DRD2: variants seen among roughly 807,000 people sequenced by gnomAD.
The protein encoded by DRD2 is dopamine receptor D2.
DRD2 carries 8 observed loss-of-function variants against 38.0 expected under a neutral mutation model. That is an observed-to-expected ratio of 0.21 (90% CI 0.12 to 0.38). The LOEUF is 0.38. DRD2 is among the 10% of genes least tolerant of loss of function. The probability of loss-of-function intolerance (pLI) is 1.00; values close to 1 mark genes in which losing one functional copy is unlikely to be tolerated. For synonymous variants in DRD2, 230 were observed against 238.6 expected (o/e 0.96, Z 0.33); for missense variants, 403 against 607.7 (o/e 0.66, Z 3.54).
chr11:113,457,307 A>T (rs1951276671), intron 1 of DRD2, among the ~76,000 whole-genome samples: 1 of 152,086 alleles, frequency 6.6e-6, no homozygotes, highest in Non-Finnish European at 1.5e-5. Flanking sequence ...GTAAATATCC[A>T]CTCATCCAAT....
At chr11:113,420,419 G>A (rs1484465874) in intron 2 of DRD2, among the ~76,000 whole-genome samples, 1 of 152,230 alleles carries the variant, frequency 6.6e-6, no homozygotes, top group Non-Finnish European at 1.5e-5. Context: ...CTGCCTTGGA[G>A]AGTAGTTAGG....
chr11:113,417,497 T>C lies in DRD2; in HGVS notation c.396-498A>G, dbSNP rs76385222. ...TCTCATTCATTAACTTATTTCATCTTCCAAGAATGGTGTGAGGGAGGTAGG... is the reference window on the plus strand; with the variant it reads ...TCTCATTCATTAACTTATTTCATCTCCCAAGAATGGTGTGAGGGAGGTAGG... On this transcript the variant is annotated intron_variant, in intron 3 of 7. Coordinates refer to ENST00000362072, the MANE Select transcript of DRD2 (RefSeq NM_000795.4). Among the ~76,000 whole-genome samples the C allele has an allele frequency of 6.5e-3, 983 of 152,278 alleles. 11 individuals are homozygous for C. The highest frequency in any genetic ancestry group is 0.021 in the African/African-American group (890 of 41,548).
chr11:113,459,337 T>C (rs559142158), intron 1 of DRD2, among the ~76,000 whole-genome samples: 1 of 152,316 alleles, frequency 6.6e-6, no homozygotes, highest in East Asian at 1.9e-4. Context: ...TCACCCCCAA[T>C]GCAGCTCTGG....
intron 1 of DRD2, among the ~76,000 whole-genome samples, chr11:113,435,764 G>T (rs1353522537): frequency 1.3e-5 from 2 of 151,978 alleles, no homozygotes; most frequent in Admixed American, 1.3e-4. Flanking sequence ...CCAAACTCCT[G>T]CCAGCCAGAG....
intron 1 of DRD2, among the ~76,000 whole-genome samples, chr11:113,439,077 G>A (rs1443759591): frequency 2.0e-5 from 3 of 152,220 alleles, no homozygotes; most frequent in African/African-American, 4.8e-5. Context: ...AAATGTGAAT[G>A]TAGTGTATTA....
At chr11:113,432,924 C>T (rs1020208443) in intron 1 of DRD2, among the ~76,000 whole-genome samples, 32 of 152,238 alleles carry the variant, frequency 2.1e-4, no homozygotes, top group African/African-American at 7.7e-4. Context: ...CTTTTATGTT[C>T]TCTGGCCGAG....
chr11:113,468,599 G>A (rs1025569739), intron 1 of DRD2, among the ~76,000 whole-genome samples: 1 of 152,144 alleles, frequency 6.6e-6, no homozygotes, highest in Non-Finnish European at 1.5e-5. Context: ...CCAGGTTGGA[G>A]TGCAGTGGCA....
At chr11:113,413,404 C>T in intron 6 of DRD2, 1 of 516,628 alleles carries the variant, frequency 1.9e-6, no homozygotes, top group South Asian at 1.4e-5. Context: ...AAAGGCTGAC[C>T]CCTGGGGCCC....
intron 1 of DRD2, among the ~76,000 whole-genome samples, chr11:113,473,945 A>C (rs1389257126): frequency 1.3e-5 from 2 of 152,192 alleles, no homozygotes; most frequent in Non-Finnish European, 2.9e-5. Context: ...AGGAGCAAGG[A>C]TTGGCCTAAA....
intron 1 of DRD2, among the ~76,000 whole-genome samples, chr11:113,455,389 G>A (rs1361739875): frequency 1.3e-5 from 2 of 151,902 alleles, no homozygotes; most frequent in Admixed American, 6.6e-5. Context: ...TAAAAAAGAT[G>A]TCGATTTGGC....
intron 6 of DRD2, chr11:113,413,231 T>C (rs1316332763): frequency 1.6e-6 from 1 of 617,260 alleles, no homozygotes; most frequent in Non-Finnish European, 3.1e-6. Flanking sequence ...GAGCTGATGA[T>C]GTTTGGCCCT....
chr11:113,413,371 T>C (rs1280185344), intron 6 of DRD2: 5 of 521,886 alleles, frequency 9.6e-6, no homozygotes, highest in Non-Finnish European at 1.5e-5. Flanking sequence ...CATATTCTCC[T>C]GGATAGACTA....
chr11:113,428,827 A>G (rs1277855688), intron 1 of DRD2, among the ~76,000 whole-genome samples: 1 of 152,196 alleles, frequency 6.6e-6, no homozygotes, highest in East Asian at 1.9e-4. Flanking sequence ...GGGTCTCACT[A>G]TGTTGCCCAG....
rs1485889609 is a variant in DRD2, at chr11:113,412,746, G to A, written c.948C>T (p.His316=). The A allele has an allele frequency of 1.2e-6, 2 of 1,614,084 alleles. No homozygotes were observed. Among genetic ancestry groups the A allele is most frequent in the Non-Finnish European group, 1.7e-6 (2 of 1,179,936 alleles). The change falls in exon 7 of 8, where the codon CAC becomes CAT. Residue 316 remains histidine (H), a synonymous_variant. Transcript: ENST00000362072. Reference sequence around the variant, plus strand: ...GTTTGGCGGGGCTGTCGGGAGTGCTGTGGAGACCATGGTGGGACGGGTCGG... The same window carrying A: ...GTTTGGCGGGGCTGTCGGGAGTGCTATGGAGACCATGGTGGGACGGGTCGG... The part of the protein sequence containing the change: ...TLPDPSHHGL[H]STPDSPAKPE...
intron 1 of DRD2, among the ~76,000 whole-genome samples, chr11:113,445,743 T>C (rs1370805640): frequency 6.6e-6 from 1 of 152,236 alleles, no homozygotes; most frequent in Non-Finnish European, 1.5e-5. Context: ...ACCTACTGTG[T>C]TCCAGGCATA....
intron 1 of DRD2, among the ~76,000 whole-genome samples, chr11:113,440,899 A>G (rs964919245): frequency 3.3e-5 from 5 of 152,198 alleles, no homozygotes; most frequent in African/African-American, 1.2e-4. Flanking sequence ...AAGTTTTCTG[A>G]GCCTGTCATG....
chr11:113,474,004 A>G (rs1951452406), intron 1 of DRD2, among the ~76,000 whole-genome samples: 5 of 152,160 alleles, frequency 3.3e-5, no homozygotes, highest in Admixed American at 3.3e-4. Context: ...CTGCAGAAGG[A>G]TCTGGAGTGG....
At position 113,457,139 on chromosome 11, in the gene DRD2, G is replaced by A. The variant is rs375844282; in HGVS notation, c.-32+17937C>T. Among the ~76,000 whole-genome samples, 27 of 152,220 alleles carry A rather than the reference G, an allele frequency of 1.8e-4. No homozygotes were observed. In the South Asian group the frequency reaches 5.2e-3, roughly 29 times the overall value. The stretch of plus-strand genomic sequence containing the variant: ...AGATGACAGTACGTAGGTAGCGGCC[G>A]GGAAGACAGACCTGCATTTGAATCC... On this transcript the variant is annotated intron_variant, in intron 1 of 7. Coordinates refer to ENST00000362072, the MANE Select transcript of DRD2 (RefSeq NM_000795.4).
intron 4 of DRD2, among the ~76,000 whole-genome samples, chr11:113,416,090 C>A (rs1378034622): frequency 6.6e-6 from 1 of 152,194 alleles, no homozygotes; most frequent in Non-Finnish European, 1.5e-5. Context: ...TTTGCGTGCC[C>A]TTCTAGGTCT....
Sources: gnomAD v4.1 joint callset for allele counts (sites outside exome capture counted in the v4.1 genomes callset) on GRCh38, gnomAD v4.1.1 for gene constraint, MANE v1.5 for transcripts, NCBI Gene and HGNC (gene_info 2026-07-23, HGNC 2026-07-21) for gene names.